The following PALM2AKAP2 variants were observed in gnomAD, a reference collection of about 807,000 sequenced individuals.
PALM2AKAP2 encodes the protein PALM2 and AKAP2 fusion, also known as PALM2-AKAP2 fusion protein.
A neutral mutation model predicts 71.5 loss-of-function variants in PALM2AKAP2; 37 were observed. The ratio of observed to expected loss-of-function variants is 0.52; its 90% confidence interval spans 0.40 to 0.68. The LOEUF is 0.68. Among genes scored for constraint, PALM2AKAP2 ranks in the 30% least tolerant of loss-of-function variants. PALM2AKAP2 has a pLI of 0.00. For synonymous variants in PALM2AKAP2, 468 were observed against 478.8 expected (o/e 0.98, Z 0.29); for missense variants, 1,224 against 1,191.8 (o/e 1.03, Z -0.40).
intron 1 of PALM2AKAP2, among the ~76,000 whole-genome samples, chr9:110,089,585 A>C (rs1314845488): frequency 6.6e-6 from 1 of 152,220 alleles, no homozygotes; most frequent in Non-Finnish European, 1.5e-5. Flanking sequence ...CACAATTCTT[A>C]ACAAAAATAG....
intron 2 of PALM2AKAP2, among the ~76,000 whole-genome samples, chr9:110,148,205 TA>T (rs1460982279): frequency 1.3e-5 from 2 of 152,198 alleles, no homozygotes; most frequent in African/African-American, 4.8e-5. Flanking sequence ...TTTTTGGCCT[TA>T]AACTCTGCTT....
At chr9:109,678,106 G>A (rs1827674751) in intron 1 of PALM2AKAP2, among the ~76,000 whole-genome samples, 1 of 152,120 alleles carries the variant, frequency 6.6e-6, no homozygotes, top group Non-Finnish European at 1.5e-5. Flanking sequence ...TCATTAAGGA[G>A]GCCACACAGC....
Position 110,087,765 on chromosome 9 carries a change from G to A in PALM2AKAP2, c.156+38910G>A, listed in dbSNP as rs528060121. Among the ~76,000 whole-genome samples the A allele has an allele frequency of 7.2e-5, 11 of 152,330 alleles. 1 individual carries two copies. The South Asian group carries it at 2.3e-3, about 32-fold the overall frequency. On this transcript the variant is annotated intron_variant, in intron 1 of 3. Transcript: ENST00000374525. ...AAGTGTCTGCCATAGGCCAGTTACT[G>A]TTCTAGGCATGTAGGAGACAGTAGT...
chr9:110,123,111 A>G (rs1835526029), intron 1 of PALM2AKAP2, among the ~76,000 whole-genome samples: 1 of 152,240 alleles, frequency 6.6e-6, no homozygotes, highest in Non-Finnish European at 1.5e-5. Context: ...GGGGAGACTC[A>G]GGCAACTGTG....
At chr9:110,096,949 T>C (rs977319217) in intron 1 of PALM2AKAP2, among the ~76,000 whole-genome samples, 3 of 145,578 alleles carry the variant, frequency 2.1e-5, no homozygotes, top group African/African-American at 5.3e-5. Flanking sequence ...TATTTATTTA[T>C]TTATTTATTT....
At chr9:109,730,115 T>C (rs1168471725) in intron 1 of PALM2AKAP2, among the ~76,000 whole-genome samples, 1 of 152,168 alleles carries the variant, frequency 6.6e-6, no homozygotes, top group African/African-American at 2.4e-5. Context: ...GTAGGGGCTC[T>C]CTTGATGAAA....
At chr9:109,654,654 A>G (rs1018346046) in intron 1 of PALM2AKAP2, among the ~76,000 whole-genome samples, 7 of 152,180 alleles carry the variant, frequency 4.6e-5, no homozygotes, top group Middle Eastern at 3.4e-3. Flanking sequence ...GCATTTTGTT[A>G]TATCAGGATG....
intron 1 of PALM2AKAP2, among the ~76,000 whole-genome samples, chr9:110,056,293 G>T (rs1833839241): frequency 6.6e-6 from 1 of 152,232 alleles, no homozygotes; most frequent in African/African-American, 2.4e-5. Context: ...CATTCCCATG[G>T]TGGGATAATA....
At chr9:109,926,139 A>C (rs1830951577) in intron 5 of PALM2AKAP2, among the ~76,000 whole-genome samples, 1 of 152,200 alleles carries the variant, frequency 6.6e-6, no homozygotes, top group Non-Finnish European at 1.5e-5. Context: ...AATTGGCATC[A>C]GTGTTTTCCC....
intron 1 of PALM2AKAP2, among the ~76,000 whole-genome samples, chr9:110,066,907 C>T (rs1382504104): frequency 6.6e-6 from 1 of 151,930 alleles, no homozygotes; most frequent in Non-Finnish European, 1.5e-5. Flanking sequence ...TATGCCTTTC[C>T]TATTTTACCT....
In PALM2AKAP2 at chr9:110,016,057, G is replaced by T; in HGVS notation, c.582+18G>T. The T allele has an allele frequency of 6.2e-7, 1 of 1,609,798 alleles. No individual in the cohort carries two copies. Among genetic ancestry groups the T allele is most frequent in the Non-Finnish European group, 8.5e-7 (1 of 1,176,564 alleles). Reference sequence around the variant, plus strand: ...CTATCAAGGTAAGGGATTCTCTTCAGGTTGATTCTCAAAGTGTATCTCTAG... The same window carrying T: ...CTATCAAGGTAAGGGATTCTCTTCATGTTGATTCTCAAAGTGTATCTCTAG... On this transcript the variant is annotated intron_variant, in intron 7 of 9. Coordinates refer to the PALM2AKAP2 transcript ENST00000302798.
At chr9:110,107,017 T>C (rs1352491713) in intron 1 of PALM2AKAP2, among the ~76,000 whole-genome samples, 1 of 152,198 alleles carries the variant, frequency 6.6e-6, no homozygotes, top group Admixed American at 6.5e-5. Flanking sequence ...AAACAGACTT[T>C]TCAGGGAAGG....
chr9:110,035,808 G>A (rs260199), intron 7 of PALM2AKAP2, among the ~76,000 whole-genome samples: 75,583 of 117,982 alleles, frequency 0.64, 25,145 homozygotes, highest in African/African-American at 0.76. Context: ...TGTGTTATAT[G>A]TAACATATAT....
chr9:110,102,481 T>C (rs1157339222), intron 1 of PALM2AKAP2, among the ~76,000 whole-genome samples: 3 of 152,208 alleles, frequency 2.0e-5, no homozygotes, highest in African/African-American at 7.2e-5. Flanking sequence ...TTTGAAAGAT[T>C]AAGCCAAGAA....
chr9:109,655,488 C>T (rs1827290829), intron 1 of PALM2AKAP2, among the ~76,000 whole-genome samples: 1 of 152,038 alleles, frequency 6.6e-6, no homozygotes, highest in African/African-American at 2.4e-5. Flanking sequence ...TTTATAAGTG[C>T]ATAATTCAGT....
intron 6 of PALM2AKAP2, among the ~76,000 whole-genome samples, chr9:110,002,433 C>T (rs1456496568): frequency 6.6e-6 from 1 of 151,554 alleles, no homozygotes; most frequent in East Asian, 1.9e-4. Flanking sequence ...ACTGATGTGC[C>T]AGTATTCTAT....
intron 1 of PALM2AKAP2, among the ~76,000 whole-genome samples, chr9:110,135,164 A>AAAAAAAAAAAAAAATATAT: frequency 1.9e-5 from 1 of 51,742 alleles, no homozygotes; most frequent in Non-Finnish European, 3.8e-5. Flanking sequence ...AAAAAAAAAA[A>AAAAAAAAAAAAAAATATAT]ATATATAAAT....
At chr9:109,769,747 G>A (rs923053984) in intron 1 of PALM2AKAP2, among the ~76,000 whole-genome samples, 2 of 152,316 alleles carry the variant, frequency 1.3e-5, no homozygotes, top group African/African-American at 2.4e-5. Flanking sequence ...TTTCAACATA[G>A]TGCTATGTTT....
At chr9:109,815,314 C>T (rs190489498) in intron 1 of PALM2AKAP2, among the ~76,000 whole-genome samples, 122 of 152,228 alleles carry the variant, frequency 8.0e-4, no homozygotes, top group African/African-American at 2.7e-3. Flanking sequence ...ATAATACCTT[C>T]GGAATATACA....
Sources: gnomAD v4.1 joint callset for allele counts (sites outside exome capture counted in the v4.1 genomes callset) on GRCh38, gnomAD v4.1.1 for gene constraint, MANE v1.5 for transcripts, NCBI Gene and HGNC (gene_info 2026-07-23, HGNC 2026-07-21) for gene names.